PPP4R3A: variants seen among roughly 807,000 people sequenced by gnomAD.
The protein encoded by PPP4R3A is serine/threonine-protein phosphatase 4 regulatory subunit 3A.
In PPP4R3A, 15 loss-of-function variants were observed where a neutral mutation model predicts 91.7. The observed-to-expected ratio is 0.16, with a 90% CI of 0.11 to 0.25. The LOEUF (loss-of-function observed/expected upper bound fraction) is 0.25. Among genes scored for constraint, PPP4R3A ranks in the 10% least tolerant of loss-of-function variants. The pLI is 1.00. For synonymous variants in PPP4R3A, 377 were observed against 348.7 expected (o/e 1.08, Z -0.91); for missense variants, 623 against 998.4 (o/e 0.62, Z 5.07).
At chr14:91,486,250 G>GT (rs71461940) in intron 2 of PPP4R3A, among the ~76,000 whole-genome samples, 7 of 82,206 alleles carry the variant, frequency 8.5e-5, no homozygotes, top group East Asian at 2.2e-3. Flanking sequence ...AGGTTTTTTT[G>GT]TTTTTTTTTT....
intron 1 of PPP4R3A, among the ~76,000 whole-genome samples, chr14:91,502,004 G>A (rs935396453): frequency 6.6e-6 from 1 of 151,248 alleles, no homozygotes; most frequent in Non-Finnish European, 1.5e-5. Context: ...CTACAGGCGT[G>A]AGCCACCGCA....
intron 3 of PPP4R3A, among the ~76,000 whole-genome samples, chr14:91,484,898 A>G (rs2140120983): frequency 6.6e-6 from 1 of 152,352 alleles, no homozygotes; most frequent in South Asian, 2.1e-4. Flanking sequence ...TACAAATGCA[A>G]ATTCACAAAA....
At chr14:91,490,717 G>T in intron 2 of PPP4R3A, 30 bp downstream of exon 2, 2 of 1,573,390 alleles carry the variant, frequency 1.3e-6, no homozygotes, top group Non-Finnish European at 1.7e-6. Flanking sequence ...AGGAAAATAT[G>T]CAAGATAAAA....
intron 11 of PPP4R3A, among the ~76,000 whole-genome samples, chr14:91,464,862 T>G (rs1251910719): frequency 6.6e-6 from 1 of 152,156 alleles, no homozygotes; most frequent in Admixed American, 6.5e-5. Context: ...GGGAGCACAG[T>G]TTCAGGATGA....
chr14:91,507,403 A>G (rs1303577677), intron 1 of PPP4R3A, among the ~76,000 whole-genome samples: 6 of 52,698 alleles, frequency 1.1e-4, no homozygotes, highest in Non-Finnish European at 1.6e-4. Context: ...ATGTACTATA[A>G]TTATATATAC....
chr14:91,507,419 A>AT (rs1566660351), intron 1 of PPP4R3A, among the ~76,000 whole-genome samples: 4 of 76,878 alleles, frequency 5.2e-5, no homozygotes, highest in Admixed American at 1.5e-4. Context: ...TATACTATAT[A>AT]ATATATATAC....
chr14:91,473,563 G>A (rs1888981575), intron 7 of PPP4R3A, among the ~76,000 whole-genome samples, 193 bp from the exon 8 acceptor site: 1 of 152,200 alleles, frequency 6.6e-6, no homozygotes, highest in Admixed American at 6.5e-5. Flanking sequence ...CAGGGACATA[G>A]CCCTAAATAG....
chr14:91,508,147 G>A (rs1595098039), intron 1 of PPP4R3A, among the ~76,000 whole-genome samples: 1 of 152,238 alleles, frequency 6.6e-6, no homozygotes, highest in East Asian at 1.9e-4. Context: ...TGTATTTTAA[G>A]AAGCCAATAA....
intron 2 of PPP4R3A, among the ~76,000 whole-genome samples, chr14:91,487,106 C>T (rs536838177): frequency 3.3e-5 from 5 of 151,170 alleles, no homozygotes; most frequent in African/African-American, 7.3e-5. Flanking sequence ...AAATTTTAGC[C>T]GGGCATGATG....
chr14:91,503,597 G>A (rs896126051), intron 1 of PPP4R3A, among the ~76,000 whole-genome samples: 1 of 152,184 alleles, frequency 6.6e-6, no homozygotes, highest in African/African-American at 2.4e-5. Context: ...GAGAGTATCA[G>A]GAAGAATAGC....
At chr14:91,472,824 A>ACAACCAACCAACCAACCAAC (rs57949752) in intron 9 of PPP4R3A, among the ~76,000 whole-genome samples, 4,917 of 150,500 alleles carry the variant, frequency 0.033, 103 homozygotes, top group Non-Finnish European at 0.044. Flanking sequence ...TTTGATAAAA[A>ACAACCAACCAACCAACCAAC]CAACCAACCA....
At chr14:91,461,991 G>A in intron 13 of PPP4R3A, 58 bp downstream of exon 13, 1 of 1,430,120 alleles carries the variant, frequency 7.0e-7, no homozygotes, top group Non-Finnish European at 9.1e-7. Flanking sequence ...CAAGAAATAA[G>A]AATAAATCTA....
intron 4 of PPP4R3A, 31 bp downstream of exon 4, chr14:91,481,545 G>T: frequency 6.6e-7 from 1 of 1,506,692 alleles, no homozygotes; most frequent in Non-Finnish European, 8.8e-7. Context: ...TGCATCTCTT[G>T]AAATATGAAA....
intron 11 of PPP4R3A, among the ~76,000 whole-genome samples, chr14:91,463,257 G>A (rs1402014364): frequency 1.3e-5 from 2 of 151,976 alleles, no homozygotes; most frequent in African/African-American, 4.8e-5. Context: ...TAGAGATGGG[G>A]TGTCTCCGTG....
At chr14:91,506,168 C>T (rs547459017) in intron 1 of PPP4R3A, among the ~76,000 whole-genome samples, 8 of 152,272 alleles carry the variant, frequency 5.3e-5, no homozygotes, top group Admixed American at 5.2e-4. Context: ...AGGATGGTCT[C>T]GATCTCCTGA....
chr14:91,507,534 T>TA (rs931788320), intron 1 of PPP4R3A, among the ~76,000 whole-genome samples: 2 of 138,328 alleles, frequency 1.4e-5, no homozygotes, highest in Non-Finnish European at 3.0e-5. Context: ...TAGTTATATA[T>TA]ACTATATATT....
intron 1 of PPP4R3A, among the ~76,000 whole-genome samples, chr14:91,509,131 G>C (rs559439070): frequency 6.6e-6 from 1 of 152,300 alleles, no homozygotes; most frequent in East Asian, 1.9e-4. Flanking sequence ...CTTTACAGAT[G>C]GGTGAACTAA....
At chr14:91,495,902 G>C (rs979920172) in intron 1 of PPP4R3A, among the ~76,000 whole-genome samples, 5 of 147,448 alleles carry the variant, frequency 3.4e-5, no homozygotes, top group East Asian at 4.0e-4. Context: ...CTAGGCAACA[G>C]AGCAAGACCC....
At chr14:91,502,086 C>A (rs771262972) in intron 1 of PPP4R3A, among the ~76,000 whole-genome samples, 2 of 151,648 alleles carry the variant, frequency 1.3e-5, no homozygotes, top group Non-Finnish European at 2.9e-5. Flanking sequence ...CCTGACTTTT[C>A]GGAAAAAAAT....
Sources: allele counts gnomAD v4.1 joint callset (sites outside exome capture counted in the v4.1 genomes callset), GRCh38; gene constraint gnomAD v4.1.1; transcripts MANE v1.5; gene names NCBI Gene and HGNC (gene_info 2026-07-23, HGNC 2026-07-21).